The following EBF2 variants were observed in gnomAD, a reference collection of about 807,000 sequenced individuals.
EBF2 encodes the protein EBF transcription factor 2, also known as transcription factor COE2.
In EBF2, 21 loss-of-function variants were observed where a neutral mutation model predicts 72.8. That is an observed-to-expected ratio of 0.29 (90% CI 0.20 to 0.42). The LOEUF (loss-of-function observed/expected upper bound fraction) is 0.42. Among genes scored for constraint, EBF2 ranks in the 10% least tolerant of loss-of-function variants. The pLI, the probability that EBF2 is intolerant of heterozygous loss-of-function variation, is 1.00. For synonymous variants in EBF2, 299 were observed against 274.2 expected, an observed-to-expected ratio of 1.09 and a Z score of -0.89; for missense variants, 637 against 731.2, an observed-to-expected ratio of 0.87 and a Z score of 1.49.
chr8:25,983,529 T>A (rs1476076445), intron 6 of EBF2, among the ~76,000 whole-genome samples: 2 of 152,242 alleles, frequency 1.3e-5, no homozygotes, highest in Non-Finnish European at 2.9e-5. Context: ...TTCACTCTCC[T>A]GCCCTCATCC....
chr8:25,999,276 C>G (rs1804683519), intron 6 of EBF2, among the ~76,000 whole-genome samples: 1 of 152,170 alleles, frequency 6.6e-6, no homozygotes, highest in Non-Finnish European at 1.5e-5. Flanking sequence ...TTCTTCTCCT[C>G]AAGACACACA....
intron 6 of EBF2, among the ~76,000 whole-genome samples, chr8:25,934,981 C>T (rs1175810287): frequency 2.0e-5 from 3 of 152,228 alleles, no homozygotes; most frequent in African/African-American, 7.2e-5. Flanking sequence ...ACCCCATTAG[C>T]TTCAGCCACA....
intron 6 of EBF2, among the ~76,000 whole-genome samples, chr8:26,020,254 TC>T (rs1805183584): frequency 6.6e-6 from 1 of 152,080 alleles, no homozygotes; most frequent in Non-Finnish European, 1.5e-5. Flanking sequence ...ACTCTATCCC[TC>T]CCCGGGGAAG....
Position 25,887,944 on chromosome 8 carries a change from C to G in EBF2, c.780G>C (p.Pro260=), listed in dbSNP as rs748066316. 3.7e-6 allele frequency: 6 copies of G among 1,613,540 alleles called. No homozygotes were observed. The Admixed American group carries it at 1.0e-4, about 27-fold the overall frequency. ...CTCCTCCTGTGGTCCAGCCTTCACTCGGGCTAATGGCTTTGATGCAGGGGG... is the reference window on the plus strand; with the variant it reads ...CTCCTCCTGTGGTCCAGCCTTCACTGGGGCTAATGGCTTTGATGCAGGGGG... ...EATPCIKAIS[P]SEGWTTGGAM... Residue 260 remains proline, a synonymous_variant, in exon 9 of 16, where the codon CCG becomes CCC. Transcript: ENST00000520164.
Position 25,850,709 on chromosome 8 carries a change from T to G in EBF2, c.1581A>C (p.Pro527=). 1 of 1,557,680 alleles carries G rather than the reference T, an allele frequency of 6.4e-7. No homozygotes were observed. Among genetic ancestry groups the G allele is most frequent in the Non-Finnish European group, 8.6e-7 (1 of 1,160,288 alleles). ...VGSSSTSSIL[P]FSSSVFPAVK... is the part of the protein sequence containing the mutation. ...CAGCAGGAAAAACTGAAGAGGAAAA[T>G]GGGAGGATGGAGGATGTGCTGGAAG... Residue 527 remains proline, a synonymous_variant, in exon 15 of 16, where the codon CCA becomes CCC. Coordinates refer to ENST00000520164, the MANE Select transcript of EBF2 (RefSeq NM_022659.4).
chr8:25,964,847 C>T (rs1044109004), intron 6 of EBF2, among the ~76,000 whole-genome samples: 1 of 152,190 alleles, frequency 6.6e-6, no homozygotes, highest in East Asian at 1.9e-4. Flanking sequence ...TATGTACCTA[C>T]ACATGCGGAT....
chr8:26,012,184 A>G (rs1055724971), intron 6 of EBF2, among the ~76,000 whole-genome samples: 5 of 152,182 alleles, frequency 3.3e-5, no homozygotes, highest in African/African-American at 1.2e-4. Context: ...TTTGTCCTTA[A>G]AGTCCAAAGG....
chr8:25,986,458 A>G (rs1359978639), intron 6 of EBF2, among the ~76,000 whole-genome samples: 3 of 152,202 alleles, frequency 2.0e-5, no homozygotes, highest in African/African-American at 7.2e-5. Context: ...TCCCAAAGAC[A>G]GGGGCAGTTC....
At chr8:25,970,308 C>T (rs1311636603) in intron 6 of EBF2, among the ~76,000 whole-genome samples, 3 of 152,144 alleles carry the variant, frequency 2.0e-5, no homozygotes, top group African/African-American at 7.2e-5. Context: ...CCATTCGCTT[C>T]GACAGGAGCC....
chr8:25,956,779 C>T (rs1803955601), intron 6 of EBF2, among the ~76,000 whole-genome samples: 1 of 152,170 alleles, frequency 6.6e-6, no homozygotes. Context: ...ACCCACCATC[C>T]ACTCCTCACC....
chr8:26,014,128 A>G (rs1299898183), intron 6 of EBF2, among the ~76,000 whole-genome samples: 1 of 152,220 alleles, frequency 6.6e-6, no homozygotes, highest in East Asian at 1.9e-4. Context: ...TGAATTTGAT[A>G]AGGCATATAT....
chr8:26,010,924 A>G (rs889794340), intron 6 of EBF2, among the ~76,000 whole-genome samples: 3 of 152,136 alleles, frequency 2.0e-5, no homozygotes, highest in Non-Finnish European at 4.4e-5. Flanking sequence ...CACTAGAAAA[A>G]GTCCATAAAC....
Position 25,844,503 on chromosome 8 carries a change from T to C in EBF2, c.*106A>G. 7.7e-7 allele frequency: 1 copy of C among 1,306,214 alleles called. No homozygotes were observed. The highest frequency in any genetic ancestry group is 1.2e-5 in the South Asian group (1 of 82,308). The allele number at this position is 1,306,214 out of a possible 1,614,324, so 80.9% of individuals were successfully genotyped here. ...CTTGCAGACCCAAGGGTGTCCATCA[T>C]GTTCATGTGGGGGCACCACTACACC... On this transcript the variant is annotated 3_prime_UTR_variant, in exon 16 of 16. Transcript: ENST00000520164.
intron 6 of EBF2, among the ~76,000 whole-genome samples, chr8:25,917,969 T>C (rs1803252216): frequency 6.6e-6 from 1 of 152,162 alleles, no homozygotes; most frequent in African/African-American, 2.4e-5. Context: ...GAAATTGAAA[T>C]GGAGTGCAAA....
At position 26,017,939 on chromosome 8, in the gene EBF2, C is replaced by T. The variant is rs147485419; in HGVS notation, c.551+15146G>A. 1.4e-3 allele frequency among the ~76,000 whole-genome samples: 214 copies of T among 152,180 alleles called. 2 individuals are homozygous for T. The highest frequency in any genetic ancestry group is 4.9e-3 in the African/African-American group (203 of 41,530). The stretch of plus-strand genomic sequence containing the variant: ...ATCAGGTTAATGCATGCACTTGGCG[C>T]AGCCCAACTTTCGCACCAAGGCTCT... On this transcript the variant is annotated intron_variant, in intron 6 of 15. Transcript: ENST00000520164.
chr8:26,021,841 G>A (rs996501233), intron 6 of EBF2, among the ~76,000 whole-genome samples: 5 of 152,152 alleles, frequency 3.3e-5, no homozygotes, highest in African/African-American at 9.7e-5. Flanking sequence ...AAGCAAACCC[G>A]TGCTGATGCC....
intron 6 of EBF2, among the ~76,000 whole-genome samples, chr8:25,930,124 A>T (rs1803456300): frequency 6.6e-6 from 1 of 152,194 alleles, no homozygotes; most frequent in Non-Finnish European, 1.5e-5. Flanking sequence ...TGGCAGGGAC[A>T]CATGGACTTC....
intron 6 of EBF2, among the ~76,000 whole-genome samples, chr8:25,987,638 G>A (rs1804482110): frequency 6.6e-6 from 1 of 152,302 alleles, no homozygotes; most frequent in Non-Finnish European, 1.5e-5. Context: ...CAAAGATTAA[G>A]TTTTATCAAG....
intron 6 of EBF2, among the ~76,000 whole-genome samples, chr8:25,966,472 A>G (rs554793070): frequency 2.2e-4 from 33 of 152,310 alleles, no homozygotes; most frequent in Middle Eastern, 3.4e-3. Context: ...GCAATAGCAT[A>G]TCTACTTAGG....
Sources: gnomAD v4.1 joint callset for allele counts (sites outside exome capture counted in the v4.1 genomes callset) on GRCh38, gnomAD v4.1.1 for gene constraint, MANE v1.5 for transcripts, NCBI Gene and HGNC (gene_info 2026-07-23, HGNC 2026-07-21) for gene names.